FOLH1: variants seen among roughly 807,000 people sequenced by gnomAD.
FOLH1 encodes the protein glutamate carboxypeptidase 2.
A neutral mutation model predicts 93.9 loss-of-function variants in FOLH1; 54 were observed. The observed-to-expected ratio is 0.57, with a 90% CI of 0.46 to 0.72. The LOEUF is 0.72. FOLH1 is among the 30% of genes least tolerant of loss of function. The pLI is 0.00. For missense variants in FOLH1, 571 were observed against 892.5 expected (o/e 0.64, Z 4.59); for synonymous variants, 249 against 303.6 (o/e 0.82, Z 1.87).
Position 49,146,857 on chromosome 11 carries a change from T to C in FOLH1, c.2152A>G (p.Lys718Glu), listed in dbSNP as rs753409936. 2 of 1,613,566 alleles carry C rather than the reference T, an allele frequency of 1.2e-6. No homozygotes were observed. Among genetic ancestry groups the C allele is most frequent in the Non-Finnish European group, 1.7e-6 (2 of 1,179,664 alleles). ...IYDALFDIES[K>E]VDPSKAWGEV... ...CCCCAGGCCTTGGAAGGGTCCACTT[T>C]GCTTTCAATATCAAACAGAGCATCA... The change falls in exon 19 of 19, where the codon AAA becomes GAA. Residue 718 changes from lysine (K) to glutamate (E), a missense_variant. Around this residue, in one of 2 missense-constraint regions of FOLH1, gnomAD observed 500 missense variants for 822.9 expected, o/e 0.61. Transcript: ENST00000256999.
Position 49,146,692 on chromosome 11 carries a change from C to T in FOLH1, c.*64G>A, listed in dbSNP as rs556881101. 7.1e-5 allele frequency: 103 copies of T among 1,453,192 alleles called. 1 individual carries two copies. In the South Asian group the frequency reaches 1.2e-3, roughly 17 times the overall value. 90.0% of individuals were successfully genotyped at this position (1,453,192 alleles called of 1,614,324 possible). Reference sequence around the variant, plus strand: ...CCAATTTTAAAATTTATCAATATACCCATTACGATTCTTTCTGAGTGACAT... The same window carrying T: ...CCAATTTTAAAATTTATCAATATACTCATTACGATTCTTTCTGAGTGACAT... On this transcript the variant is annotated 3_prime_UTR_variant, in exon 19 of 19. Transcript: ENST00000256999.
At chr11:49,193,260 T>C (rs1343166555) in intron 3 of FOLH1, among the ~76,000 whole-genome samples, 3 of 152,204 alleles carry the variant, frequency 2.0e-5, no homozygotes, top group Non-Finnish European at 4.4e-5. Context: ...CTATATACTG[T>C]AAACTGTGTA....
chr11:49,158,507 G>A (rs1451594504), intron 13 of FOLH1, among the ~76,000 whole-genome samples: 1 of 152,118 alleles, frequency 6.6e-6, no homozygotes, highest in Non-Finnish European at 1.5e-5. Context: ...AAACCGCAAT[G>A]TCTGTTCTTG....
At chr11:49,207,840 C>G (rs1293837856) in intron 1 of FOLH1, 1 of 454,488 alleles carries the variant, frequency 2.2e-6, no homozygotes, top group Admixed American at 2.4e-5. Flanking sequence ...AAAAGACCCG[C>G]TGGTAAAGAC....
intron 7 of FOLH1, among the ~76,000 whole-genome samples, chr11:49,180,674 C>T (rs1467909085): frequency 6.6e-6 from 1 of 152,082 alleles, no homozygotes; most frequent in Admixed American, 6.5e-5. Context: ...TCCCAAGGTA[C>T]GTGTGCCAAG....
chr11:49,168,044 CTT>C (rs11345881), intron 12 of FOLH1, among the ~76,000 whole-genome samples: 9,618 of 138,230 alleles, frequency 0.07, 401 homozygotes, highest in African/African-American at 0.13. Context: ...TCATTTAGTC[CTT>C]TTTTTTTTTT....
intron 1 of FOLH1, 196 bp downstream of exon 1, chr11:49,208,096 G>C (rs1864172838): frequency 6.4e-6 from 4 of 627,950 alleles, no homozygotes; most frequent in Non-Finnish European, 1.1e-5. Context: ...GCAGCTTGTC[G>C]AGAACTCAGC....
At chr11:49,173,223 C>A in intron 10 of FOLH1, 134 bp downstream of exon 10, 1 of 903,674 alleles carries the variant, frequency 1.1e-6, no homozygotes, top group Non-Finnish European at 1.5e-6. Flanking sequence ...ATTAACCAAC[C>A]AACACTGAAA....
At chr11:49,198,970 A>G (rs561057792) in intron 3 of FOLH1, among the ~76,000 whole-genome samples, 8 of 152,230 alleles carry the variant, frequency 5.3e-5, no homozygotes, top group African/African-American at 1.9e-4. Flanking sequence ...AGTAGTTAAT[A>G]TGAAAAGCTC....
chr11:49,147,904 G>C (rs1054946024), intron 18 of FOLH1, among the ~76,000 whole-genome samples: 2 of 151,810 alleles, frequency 1.3e-5, no homozygotes, highest in Admixed American at 1.3e-4. Flanking sequence ...TCTAGCCTGG[G>C]AGACAGAGTG....
chr11:49,180,296 C>T lies in FOLH1; in HGVS notation c.920+2853G>A, dbSNP rs143000272. On this transcript the variant is annotated intron_variant, in intron 7 of 18. Transcript: ENST00000256999. ...GCAGGATACATGCTATTACTGTTGC[C>T]GTTGGCACTATAATTATCGTCCTGG... Among the ~76,000 whole-genome samples the T allele has an allele frequency of 1.8e-3, 278 of 152,238 alleles. 1 individual carries two copies. Among genetic ancestry groups the T allele is most frequent in the African/African-American group, 6.2e-3 (256 of 41,558 alleles).
chr11:49,147,751 C>G (rs955632052), intron 18 of FOLH1, among the ~76,000 whole-genome samples: 1 of 152,104 alleles, frequency 6.6e-6, no homozygotes, highest in African/African-American at 2.4e-5. Flanking sequence ...TAGGGACACC[C>G]TGTCGCTACA....
intron 2 of FOLH1, 114 bp from the exon 3 acceptor site, chr11:49,200,555 A>G: frequency 1.8e-6 from 2 of 1,127,766 alleles, no homozygotes; most frequent in Non-Finnish European, 2.5e-6. Flanking sequence ...ATACGTTAAA[A>G]AATTAAAGTG....
intron 3 of FOLH1, among the ~76,000 whole-genome samples, chr11:49,196,999 A>T (rs1451498127): frequency 1.3e-5 from 2 of 152,216 alleles, no homozygotes; most frequent in Admixed American, 6.5e-5. Context: ...GATAGAAGCT[A>T]AAATGAAACC....
At position 49,164,899 on chromosome 11, in the gene FOLH1, A is replaced by G. The variant is rs1858173854; in HGVS notation, c.1373-127T>C. 32 of 732,606 alleles carry G rather than the reference A, an allele frequency of 4.4e-5. 1 individual carries two copies. The South Asian group carries it at 5.6e-4, about 13-fold the overall frequency. The allele number at this position is 732,606 out of a possible 1,614,324, so 45.4% of individuals were successfully genotyped here. On this transcript the variant is annotated intron_variant, in intron 12 of 18. Transcript: ENST00000256999. ...ACCTGATTTCAACTGTAACTCTCCA[A>G]TGGCTTCCCAACTAACTCTGTAAAG... is the stretch of plus-strand genomic sequence containing the variant.
chr11:49,198,508 T>C (rs1453649743), intron 3 of FOLH1, among the ~76,000 whole-genome samples: 1 of 151,426 alleles, frequency 6.6e-6, no homozygotes, highest in Non-Finnish European at 1.5e-5. Flanking sequence ...AAAACTAAAA[T>C]ATATTATATG....
intron 7 of FOLH1, 105 bp from the exon 8 acceptor site, chr11:49,176,062 A>G (rs1859988345): frequency 2.0e-6 from 2 of 999,980 alleles, no homozygotes; most frequent in Admixed American, 4.3e-5. Flanking sequence ...AATATCTTTA[A>G]TGAGTGCAAA....
At position 49,183,851 on chromosome 11, in the gene FOLH1, G is replaced by C. The variant is rs11820424; in HGVS notation, c.827-609C>G. Among the ~76,000 whole-genome samples the C allele has an allele frequency of 1.0e-2, 1,519 of 152,058 alleles. 24 individuals carry two copies. The highest frequency in any genetic ancestry group is 0.034 in the African/African-American group (1,430 of 41,466). On this transcript the variant is annotated intron_variant, in intron 6 of 18. Coordinates refer to ENST00000256999, the MANE Select transcript of FOLH1 (RefSeq NM_004476.3). Reference sequence around the variant, plus strand: ...AGATACTAGATAGTGATTGCTTCTAGGGGACACAGAGAAAATTGACCAGAA... The same window carrying C: ...AGATACTAGATAGTGATTGCTTCTACGGGACACAGAGAAAATTGACCAGAA...
chr11:49,191,029 T>C (rs1438037659), intron 4 of FOLH1, among the ~76,000 whole-genome samples: 1 of 152,176 alleles, frequency 6.6e-6, no homozygotes, highest in Non-Finnish European at 1.5e-5. Context: ...CAAAAACAGG[T>C]TGGCCGGGTG....
Sources: allele counts gnomAD v4.1 joint callset (sites outside exome capture counted in the v4.1 genomes callset), GRCh38; gene constraint gnomAD v4.1.1; regional missense constraint gnomAD v4.1.1; transcripts MANE v1.5; gene names NCBI Gene and HGNC (gene_info 2026-07-23, HGNC 2026-07-21).